The following ARHGEF10 variants were observed in gnomAD, a reference collection of about 807,000 sequenced individuals.
ARHGEF10 encodes the protein Rho guanine nucleotide exchange factor 10.
In ARHGEF10, 140 loss-of-function variants were observed where a neutral mutation model predicts 147.4. That is an observed-to-expected ratio of 0.95 (90% confidence interval 0.83 to 1.09). ARHGEF10 has a LOEUF of 1.09. Among genes scored for constraint, ARHGEF10 ranks in the 50% least tolerant of loss-of-function variants. The pLI is 0.00. For synonymous variants in ARHGEF10, 902 were observed against 695.8 expected, an observed-to-expected ratio of 1.30 and a Z score of -4.67; for missense variants, 2,222 against 1,752.7, an observed-to-expected ratio of 1.27 and a Z score of -4.78.
rs1318070489 is a variant in ARHGEF10, at chr8:1,859,972, A to G, written c.269A>G (p.Asn90Ser). ...AAGCTGGTGCTCCCGATGAAAGTCAACCCATATTCTGTCATCGACATCACG... is the reference window on the plus strand; with the variant it reads ...AAGCTGGTGCTCCCGATGAAAGTCAGCCCATATTCTGTCATCGACATCACG... ...PTKLVLPMKV[N>S]PYSVIDITPF... The change falls in exon 4 of 29, where the codon AAC (asparagine) becomes AGC (serine). Residue 90 changes from asparagine (N) to serine (S), a missense_variant. Asn to Ser is a conservative substitution (Grantham distance 46). Transcript: ENST00000349830. The G allele has an allele frequency of 9.9e-6, 16 of 1,613,992 alleles. No homozygotes were observed. The highest frequency in any genetic ancestry group is 1.3e-5 in the African/African-American group (1 of 74,894).
chr8:1,901,376 C>G (rs1175073268), intron 15 of ARHGEF10, among the ~76,000 whole-genome samples: 2 of 152,166 alleles, frequency 1.3e-5, no homozygotes, highest in South Asian at 4.1e-4. Context: ...CCCAGACCTT[C>G]TTTCTAAGAC....
At chr8:1,832,787 G>GC (rs1563148631) in intron 1 of ARHGEF10, among the ~76,000 whole-genome samples, 1 of 37,970 alleles carries the variant, frequency 2.6e-5, no homozygotes, top group Non-Finnish European at 5.7e-5. Context: ...CAGAGACAGA[G>GC]AGAGACAGAG....
intron 11 of ARHGEF10, among the ~76,000 whole-genome samples, chr8:1,888,114 CT>C (rs1808871428): frequency 1.0e-5 from 1 of 96,916 alleles, no homozygotes; most frequent in African/African-American, 8.3e-5. Flanking sequence ...TGAGGAGACA[CT>C]TAGTGGGGTG....
chr8:1,902,977 C>T (rs147060823), intron 15 of ARHGEF10, among the ~76,000 whole-genome samples: 89 of 152,344 alleles, frequency 5.8e-4, no homozygotes, highest in African/African-American at 2.1e-3. Context: ...GAGAATCTAT[C>T]ATCATCGTGA....
At chr8:1,849,511 G>GAC (rs200383823) in intron 2 of ARHGEF10, among the ~76,000 whole-genome samples, 83 of 137,696 alleles carry the variant, frequency 6.0e-4, no homozygotes, top group African/African-American at 2.0e-3. Flanking sequence ...CGTGGACACA[G>GAC]GGCAAATGCT....
intron 4 of ARHGEF10, among the ~76,000 whole-genome samples, chr8:1,861,797 G>A (rs1415792194): frequency 6.6e-6 from 1 of 152,210 alleles, no homozygotes; most frequent in East Asian, 1.9e-4. Flanking sequence ...TGTGACCGCG[G>A]AGCATGAGAA....
At chr8:1,953,418 G>T (rs918266709) in intron 28 of ARHGEF10, among the ~76,000 whole-genome samples, 1 of 152,288 alleles carries the variant, frequency 6.6e-6, no homozygotes, top group African/African-American at 2.4e-5. Context: ...GGAAGCCGGG[G>T]ATCCGAAAAG....
chr8:1,844,486 A>G (rs1194841989), intron 2 of ARHGEF10, among the ~76,000 whole-genome samples: 2 of 19,998 alleles, frequency 1.0e-4, no homozygotes, highest in East Asian at 2.5e-3. Flanking sequence ...CACCCCAGAA[A>G]CAGCCAGCGA....
intron 2 of ARHGEF10, 104 bp from the exon 3 acceptor site, chr8:1,857,856 T>C: frequency 2.7e-6 from 3 of 1,104,038 alleles, no homozygotes; most frequent in Non-Finnish European, 1.3e-6. Context: ...TTAGTCAGTG[T>C]CTCTGGCTAA....
rs1045546477 is a variant in ARHGEF10 at position 1,937,889 on chromosome 8, C to T, written c.3222+3947C>T. Among the ~76,000 whole-genome samples the T allele has an allele frequency of 2.0e-5, 3 of 152,212 alleles. No homozygotes were observed. The highest frequency in any genetic ancestry group is 2.4e-5 in the African/African-American group (1 of 41,468). On this transcript the variant is annotated intron_variant, in intron 26 of 28. Coordinates refer to ENST00000349830, the MANE Select transcript of ARHGEF10 (RefSeq NM_014629.4). The surrounding 1 kb of genome is among the most constrained non-coding windows in gnomAD (Gnocchi z 4.9). ...AAAGGCACCTGAGGCTCTGAGGCTTCGGTGTTCCTGGAGTGACTGTGCCAG... is the reference window on the plus strand; with the variant it reads ...AAAGGCACCTGAGGCTCTGAGGCTTTGGTGTTCCTGGAGTGACTGTGCCAG...
chr8:1,857,877 T>C (rs1273348926), intron 2 of ARHGEF10, 83 bp from the exon 3 acceptor site: 7 of 896,376 alleles, frequency 7.8e-6, no homozygotes, highest in Non-Finnish European at 1.1e-5. Flanking sequence ...CATAGATCGA[T>C]CGATCTATCT....
At chr8:1,853,437 CGTT>C (rs1563179742) in intron 2 of ARHGEF10, among the ~76,000 whole-genome samples, 1 of 152,234 alleles carries the variant, frequency 6.6e-6, no homozygotes. Flanking sequence ...AACTACAACA[CGTT>C]GTATCTCCTG....
At chr8:1,879,200 C>T (rs1378826974) in intron 8 of ARHGEF10, among the ~76,000 whole-genome samples, 1 of 152,190 alleles carries the variant, frequency 6.6e-6, no homozygotes, top group Non-Finnish European at 1.5e-5. Flanking sequence ...CCACGTGCAT[C>T]TGAAGTGTCT....
intron 25 of ARHGEF10, among the ~76,000 whole-genome samples, chr8:1,931,764 A>C (rs1813166540): frequency 6.7e-6 from 1 of 149,330 alleles, no homozygotes; most frequent in African/African-American, 2.5e-5. Flanking sequence ...GTGTTAGTTC[A>C]AAACGTCATT....
chr8:1,925,475 T>C (rs1812620094), intron 22 of ARHGEF10, 71 bp downstream of exon 22: 3 of 1,598,598 alleles, frequency 1.9e-6, no homozygotes, highest in Admixed American at 1.7e-5. Flanking sequence ...ACTTGGGAGA[T>C]GATTCTTAAG....
rs752046363 is a variant in ARHGEF10, at chr8:1,923,870, C to T, written c.2484C>T (p.Ala828=). ...ACAGCTTACAGATGGCCAAGCTCGCCCTAGGTAAGGCCTGGCTGGCTGAGG... is the reference window on the plus strand; with the variant it reads ...ACAGCTTACAGATGGCCAAGCTCGCTCTAGGTAAGGCCTGGCTGGCTGAGG... ...WVNSLQMAKL[A]LEEENHMGWF... is the part of the protein sequence containing the mutation. The change falls in exon 21 of 29, where the codon GCC becomes GCT. Residue 828 remains alanine (A), a synonymous_variant. Transcript: ENST00000349830. 3 of 1,613,896 alleles carry T rather than the reference C, an allele frequency of 1.9e-6. No homozygotes were observed. Among genetic ancestry groups the T allele is most frequent in the Non-Finnish European group, 2.5e-6 (3 of 1,179,962 alleles).
intron 1 of ARHGEF10, among the ~76,000 whole-genome samples, chr8:1,836,978 G>C (rs1958908705): frequency 6.6e-6 from 1 of 152,206 alleles, no homozygotes; most frequent in South Asian, 2.1e-4. Context: ...GGCCTCCCCA[G>C]CCATGTGGAA....
rs36111527 is a variant in ARHGEF10, at chr8:1,836,969, G to A, written c.-47-6384G>A. On this transcript the variant is annotated intron_variant, in intron 1 of 28. Coordinates refer to ENST00000349830, the MANE Select transcript of ARHGEF10 (RefSeq NM_014629.4). Reference sequence around the variant, plus strand: ...TTTCACCTCCCACAATGATTCTGAGGCCTCCCCAGCCATGTGGAACTATAA... The same window carrying A: ...TTTCACCTCCCACAATGATTCTGAGACCTCCCCAGCCATGTGGAACTATAA... Among the ~76,000 whole-genome samples the A allele has an allele frequency of 2.5e-3, 379 of 152,278 alleles. 13 individuals carry two copies. The East Asian group carries it at 0.06, about 24-fold the overall frequency.
chr8:1,830,651 A>C lies in ARHGEF10; in HGVS notation c.-48+6538A>C, dbSNP rs544206812. Among the ~76,000 whole-genome samples the C allele has an allele frequency of 2.6e-5, 4 of 152,370 alleles. No homozygotes were observed. In the South Asian group the frequency reaches 8.3e-4, roughly 32 times the overall value. On this transcript the variant is annotated intron_variant, in intron 1 of 28. Coordinates refer to ENST00000349830, the MANE Select transcript of ARHGEF10 (RefSeq NM_014629.4). ...CGCCCCAAGGCAGGGTGTGAACCGC[A>C]GAGACCATGTGCTTGCCCTGGGGGG...
Sources: allele counts gnomAD v4.1 joint callset (sites outside exome capture counted in the v4.1 genomes callset), GRCh38; gene constraint gnomAD v4.1.1; non-coding constraint Gnocchi (gnomAD v3.1); transcripts MANE v1.5; gene names NCBI Gene and HGNC (gene_info 2026-07-23, HGNC 2026-07-21).